ZNF451: variants seen among roughly 807,000 people sequenced by gnomAD.
ZNF451 encodes the protein zinc finger protein 451, also known as E3 SUMO-protein ligase ZNF451.
A neutral mutation model predicts 107.1 loss-of-function variants in ZNF451; 80 were observed. The ratio of observed to expected loss-of-function variants is 0.75; its 90% CI spans 0.62 to 0.90. The LOEUF is 0.90. Among genes scored for constraint, ZNF451 ranks in the 40% least tolerant of loss-of-function variants. The probability of loss-of-function intolerance (pLI) is 0.00; values close to 1 mark genes in which losing one functional copy is unlikely to be tolerated. For synonymous variants in ZNF451, 362 were observed against 406.5 expected, an observed-to-expected ratio of 0.89 and a Z score of 1.32; for missense variants, 1,107 against 1,236.2, an observed-to-expected ratio of 0.90 and a Z score of 1.57.
intron 3 of ZNF451, chr6:57,101,965 T>C: frequency 2.6e-6 from 4 of 1,550,568 alleles, no homozygotes; most frequent in Non-Finnish European, 3.5e-6. Context: ...TCGATACTTT[T>C]ATAGTCATGA....
At chr6:57,105,697 T>G in intron 3 of ZNF451, 1 of 985,396 alleles carries the variant, frequency 1.0e-6, no homozygotes. Flanking sequence ...ATAGATATGC[T>G]CTAGGTTTTC....
At chr6:57,110,617 G>C (rs1309229880) in intron 3 of ZNF451, among the ~76,000 whole-genome samples, 2 of 152,056 alleles carry the variant, frequency 1.3e-5, no homozygotes, top group Admixed American at 6.6e-5. Context: ...GTGTCCTCAG[G>C]GTAGCTAAAA....
Position 57,169,624 on chromosome 6 carries a change from C to T in ZNF451, c.*1155C>T, listed in dbSNP as rs1394573143. 1 of 152,008 alleles carries T rather than the reference C, an allele frequency of 6.6e-6. No individual in the cohort carries two copies. Among genetic ancestry groups the T allele is most frequent in the Non-Finnish European group, 1.5e-5 (1 of 68,000 alleles). 9.4% of individuals were successfully genotyped at this position (152,008 alleles called of 1,614,324 possible). A position where few individuals can be genotyped will look rare whatever the true frequency, so the allele number is the denominator to read the frequency against. ...AAAATATAAAGGCTAGAATTTGGTT[C>T]CTTCTCTGTAACACTAAATATTTTA... On this transcript the variant is annotated 3_prime_UTR_variant, in exon 15 of 15. Coordinates refer to ENST00000370706, the MANE Select transcript of ZNF451 (RefSeq NM_001031623.3).
At chr6:57,109,500 G>A (rs2127947481) in intron 3 of ZNF451, 2 of 985,400 alleles carry the variant, frequency 2.0e-6, no homozygotes, top group South Asian at 9.4e-5. Context: ...AAAGCCTGAT[G>A]CAGATTTCCT....
intron 13 of ZNF451, chr6:57,159,055 T>C: frequency 1.0e-6 from 1 of 985,478 alleles, no homozygotes; most frequent in Non-Finnish European, 1.2e-6. Flanking sequence ...GCCTGTTGTT[T>C]CCTCAGCCTG....
intron 13 of ZNF451, 105 bp from the exon 14 acceptor site, chr6:57,160,979 C>A (rs567103685): frequency 7.7e-5 from 47 of 608,200 alleles, no homozygotes; most frequent in Non-Finnish European, 1.2e-4. Flanking sequence ...CACTAATGAA[C>A]TGTATTATAA....
chr6:57,113,337 T>C lies in ZNF451; in HGVS notation c.187-11397T>C, dbSNP rs1033333252. On this transcript the variant is annotated intron_variant, in intron 3 of 14. Coordinates refer to ENST00000370706, the MANE Select transcript of ZNF451 (RefSeq NM_001031623.3). ...CATTCTTTTTTTTTTTTTGGCCGTA[T>C]AGTAGTCCGTCGTGTATATGTACTA... Among the ~76,000 whole-genome samples the C allele has an allele frequency of 6.6e-5, 10 of 152,148 alleles. No homozygotes were observed. The South Asian group carries it at 1.2e-3, about 19-fold the overall frequency.
chr6:57,138,727 A>ATGTGTG (rs1253099714), intron 7 of ZNF451, among the ~76,000 whole-genome samples: 77 of 114,440 alleles, frequency 6.7e-4, no homozygotes, highest in Non-Finnish European at 1.0e-3. Context: ...ATATATATAT[A>ATGTGTG]TATATATATA....
intron 2 of ZNF451, chr6:57,092,997 A>C (rs1829122693): frequency 6.6e-6 from 1 of 152,212 alleles, no homozygotes; most frequent in African/African-American, 2.4e-5. Flanking sequence ...CATCTATGTA[A>C]ACAGCGCCTA....
At chr6:57,166,595 A>T (rs1003980903) in intron 14 of ZNF451, among the ~76,000 whole-genome samples, 1 of 152,222 alleles carries the variant, frequency 6.6e-6, no homozygotes, top group Admixed American at 6.5e-5. Flanking sequence ...ACCTGCACAG[A>T]GTCAGGATCA....
At chr6:57,155,879 C>G (rs1173130107) in intron 13 of ZNF451, among the ~76,000 whole-genome samples, 1 of 139,762 alleles carries the variant, frequency 7.2e-6, no homozygotes, top group Non-Finnish European at 1.5e-5. Flanking sequence ...TAACTACTCT[C>G]TGGAGGCACA....
chr6:57,128,648 C>T, intron 4 of ZNF451, 81 bp from the exon 5 acceptor site: 1 of 853,008 alleles, frequency 1.2e-6, no homozygotes, highest in Non-Finnish European at 1.9e-6. Flanking sequence ...TCAGTATTTT[C>T]TGATCACTAA....
chr6:57,098,683 C>CTATA (rs1829441532), intron 2 of ZNF451, among the ~76,000 whole-genome samples: 1 of 152,136 alleles, frequency 6.6e-6, no homozygotes, highest in Non-Finnish European at 1.5e-5. Context: ...TGAAGCTGAG[C>CTATA]TATAAGTCAA....
At position 57,099,127 on chromosome 6, in the gene ZNF451, A is replaced by G. The variant is rs1829463708; in HGVS notation, c.172A>G (p.Thr58Ala). 1.2e-6 allele frequency: 2 copies of G among 1,609,990 alleles called. No homozygotes were observed. Among genetic ancestry groups the G allele is most frequent in the Non-Finnish European group, 1.7e-6 (2 of 1,176,340 alleles). ...CAGCAGTGATGATGAAGAGCCTAGC[A>G]CCTCTTATACTGATGTAAGTACATT... ...LVSSDDEEPS[T>A]SYTDENIKRK... The change falls in exon 3 of 15, where the codon ACC (threonine) becomes GCC (alanine). Residue 58 changes from threonine to alanine, a missense_variant. Around this residue, in one of 5 missense-constraint regions of ZNF451, gnomAD observed 339 missense variants for 372.8 expected, o/e 0.91. Coordinates refer to ENST00000370706, the MANE Select transcript of ZNF451 (RefSeq NM_001031623.3).
At chr6:57,141,187 A>C in intron 7 of ZNF451, 115 bp from the exon 8 acceptor site, 1 of 820,932 alleles carries the variant, frequency 1.2e-6, no homozygotes. Flanking sequence ...TTTCATGTTA[A>C]AAATTGATAC....
intron 14 of ZNF451, among the ~76,000 whole-genome samples, chr6:57,164,498 G>A (rs1763814689): frequency 6.6e-6 from 1 of 152,134 alleles, no homozygotes; most frequent in Admixed American, 6.5e-5. Context: ...GACTCAAATT[G>A]CTGGAAGAGA....
chr6:57,154,918 G>C (rs2127984190), intron 13 of ZNF451, among the ~76,000 whole-genome samples: 1 of 151,788 alleles, frequency 6.6e-6, no homozygotes, highest in Admixed American at 6.6e-5. Context: ...AATATATTTG[G>C]AAGCACATTT....
At chr6:57,110,899 CCTT>C (rs935411654) in intron 3 of ZNF451, among the ~76,000 whole-genome samples, 5 of 150,010 alleles carry the variant, frequency 3.3e-5, no homozygotes, top group South Asian at 2.1e-4. Context: ...GCCACCTTTA[CCTT>C]CTTTTTTTTT....
intron 9 of ZNF451, among the ~76,000 whole-genome samples, chr6:57,142,438 C>T (rs1166421543): frequency 6.6e-6 from 1 of 152,168 alleles, no homozygotes; most frequent in African/African-American, 2.4e-5. Flanking sequence ...GATTAAATCT[C>T]AATGAAAGGC....
Sources: gnomAD v4.1 joint callset for allele counts (sites outside exome capture counted in the v4.1 genomes callset) on GRCh38, gnomAD v4.1.1 for gene constraint, gnomAD v4.1.1 regional missense constraint, MANE v1.5 for transcripts, NCBI Gene and HGNC (gene_info 2026-07-23, HGNC 2026-07-21) for gene names.